The following GRID1 variants were observed in gnomAD, a reference collection of about 807,000 sequenced individuals.
GRID1 encodes glutamate receptor ionotropic, delta-1.
A neutral mutation model predicts 98.0 loss-of-function variants in GRID1; 28 were observed. That is an observed-to-expected ratio of 0.29 (90% CI 0.21 to 0.39). GRID1 has a LOEUF of 0.39. Among genes scored for constraint, GRID1 ranks in the 10% least tolerant of loss-of-function variants. The probability of loss-of-function intolerance (pLI) is 1.00; values close to 1 mark genes in which losing one functional copy is unlikely to be tolerated. For synonymous variants in GRID1, 553 were observed against 538.5 expected (o/e 1.03, Z -0.37); for missense variants, 1,111 against 1,340.5 (o/e 0.83, Z 2.67).
intron 2 of GRID1, among the ~76,000 whole-genome samples, chr10:86,307,518 G>A (rs985660996): frequency 3.9e-5 from 6 of 152,192 alleles, no homozygotes; most frequent in East Asian, 1.9e-4. Context: ...GCATAGAAAG[G>A]TGGTTGCCAG....
intron 12 of GRID1, among the ~76,000 whole-genome samples, chr10:85,669,750 A>G (rs1004302332): frequency 6.6e-6 from 1 of 152,156 alleles, no homozygotes; most frequent in East Asian, 1.9e-4. Context: ...TCCTGCTCCA[A>G]CTGGAAGCCA....
At chr10:86,141,982 A>G (rs1350384990) in intron 3 of GRID1, among the ~76,000 whole-genome samples, 1 of 152,192 alleles carries the variant, frequency 6.6e-6, no homozygotes, top group Non-Finnish European at 1.5e-5. Context: ...CAGCCAAGTG[A>G]CCCGCTTTGA....
At chr10:85,824,689 C>A (rs936826882) in intron 8 of GRID1, among the ~76,000 whole-genome samples, 1 of 151,978 alleles carries the variant, frequency 6.6e-6, no homozygotes, top group Non-Finnish European at 1.5e-5. Flanking sequence ...TCCCTCACCA[C>A]CCCCCCACCA....
intron 2 of GRID1, among the ~76,000 whole-genome samples, chr10:86,351,848 G>A (rs934056072): frequency 6.6e-6 from 1 of 152,252 alleles, no homozygotes; most frequent in African/African-American, 2.4e-5. Flanking sequence ...CTTGGTGCCA[G>A]GCACATGCTA....
chr10:86,197,174 A>G (rs1378048473), intron 3 of GRID1, among the ~76,000 whole-genome samples: 1 of 152,140 alleles, frequency 6.6e-6, no homozygotes, highest in African/African-American at 2.4e-5. Context: ...CCATTTTTAA[A>G]TAAATTGGAA....
chr10:85,744,353 C>T (rs903783789), intron 8 of GRID1, among the ~76,000 whole-genome samples: 1 of 152,132 alleles, frequency 6.6e-6, no homozygotes, highest in African/African-American at 2.4e-5. Flanking sequence ...AACTGATAAG[C>T]TTAATTTTAA....
intron 8 of GRID1, among the ~76,000 whole-genome samples, chr10:85,750,717 G>C (rs1842038549): frequency 6.6e-6 from 1 of 152,106 alleles, no homozygotes; most frequent in African/African-American, 2.4e-5. Flanking sequence ...CTCTTGATCA[G>C]TAATTTAAAT....
chr10:86,341,825 T>G (rs924547666), intron 2 of GRID1, among the ~76,000 whole-genome samples: 13 of 152,198 alleles, frequency 8.5e-5, no homozygotes, highest in African/African-American at 3.1e-4. Context: ...TCAAGAGCTG[T>G]GCGCCTGCAG....
intron 5 of GRID1, among the ~76,000 whole-genome samples, chr10:85,906,633 C>T (rs1197907755): frequency 1.3e-5 from 2 of 152,080 alleles, no homozygotes; most frequent in Non-Finnish European, 2.9e-5. Flanking sequence ...AAACTAAAAA[C>T]ATACTTCTAA....
rs745314606 is a variant in GRID1 at position 85,602,438 on chromosome 10, C to T, written c.2865G>A (p.Leu955=). The T allele has an allele frequency of 6.2e-7, 1 of 1,614,126 alleles. No individual in the cohort carries two copies. Among genetic ancestry groups the T allele is most frequent in the South Asian group, 1.1e-5 (1 of 91,078 alleles). ...TGGAGGGCATGGTCGCCGAGCTGCT[C>T]AGCGGCAGCGGCAGGTTGCTGCTGG... ...SGPSSNLPLP[L]SSSATMPSMQ... Residue 955 remains leucine (L), a synonymous_variant, in exon 16 of 16, where the codon CTG becomes CTA. Coordinates refer to ENST00000327946, the MANE Select transcript of GRID1 (RefSeq NM_017551.3).
intron 2 of GRID1, among the ~76,000 whole-genome samples, chr10:86,298,070 C>T (rs535550818): frequency 2.0e-5 from 3 of 152,222 alleles, no homozygotes; most frequent in South Asian, 4.1e-4. Context: ...GAAAATAATT[C>T]GTTAGAAAGA....
At chr10:86,032,523 AC>A (rs999547808) in intron 4 of GRID1, among the ~76,000 whole-genome samples, 5 of 152,022 alleles carry the variant, frequency 3.3e-5, no homozygotes, top group African/African-American at 9.7e-5. Context: ...CTATAACCTT[AC>A]CCCCAACCCC....
chr10:85,996,082 T>C (rs1030669824), intron 4 of GRID1, among the ~76,000 whole-genome samples: 1 of 152,246 alleles, frequency 6.6e-6, no homozygotes, highest in African/African-American at 2.4e-5. Context: ...CTGGAGCTTG[T>C]GGCCTGAACT....
At chr10:85,866,359 T>TA (rs557031250) in intron 6 of GRID1, among the ~76,000 whole-genome samples, 130 of 150,284 alleles carry the variant, frequency 8.7e-4, no homozygotes, top group African/African-American at 2.9e-3. Flanking sequence ...ACCCTGAATG[T>TA]ACCTGTCCAC....
chr10:86,212,950 G>C (rs941751741), intron 2 of GRID1, among the ~76,000 whole-genome samples: 1 of 152,034 alleles, frequency 6.6e-6, no homozygotes, highest in Non-Finnish European at 1.5e-5. Context: ...GCTAGAGCTC[G>C]GGCCCTGGAG....
intron 4 of GRID1, among the ~76,000 whole-genome samples, chr10:86,000,224 T>C (rs564417400): frequency 1.3e-5 from 2 of 152,188 alleles, no homozygotes; most frequent in African/African-American, 4.8e-5. Context: ...CTATTCCTAA[T>C]AGCTTGGAAA....
chr10:86,122,805 A>T (rs1457485222), intron 4 of GRID1, among the ~76,000 whole-genome samples: 1 of 152,170 alleles, frequency 6.6e-6, no homozygotes, highest in African/African-American at 2.4e-5. Context: ...CTCTGATGGG[A>T]CTGACCCTGA....
chr10:85,809,126 C>A (rs186495340), intron 8 of GRID1, among the ~76,000 whole-genome samples: 1 of 150,870 alleles, frequency 6.6e-6, no homozygotes, highest in East Asian at 1.9e-4. Flanking sequence ...TAAAATGGAC[C>A]GGACACAGCA....
At chr10:86,127,695 C>T (rs573319158) in intron 4 of GRID1, among the ~76,000 whole-genome samples, 18 of 152,278 alleles carry the variant, frequency 1.2e-4, no homozygotes, top group Admixed American at 7.8e-4. Flanking sequence ...CCTTACCACC[C>T]GAGGTGCACC....
Sources: gnomAD v4.1 joint callset for allele counts (sites outside exome capture counted in the v4.1 genomes callset) on GRCh38, gnomAD v4.1.1 for gene constraint, MANE v1.5 for transcripts, NCBI Gene and HGNC (gene_info 2026-07-23, HGNC 2026-07-21) for gene names.